Variants in DLC1 observed in about 807,000 individuals in gnomAD.
DLC1 encodes DLC1 Rho GTPase activating protein.
DLC1 carries 54 observed loss-of-function variants against 140.3 expected under a neutral mutation model. The ratio of observed to expected loss-of-function variants is 0.38; its 90% CI spans 0.31 to 0.48. DLC1 has a LOEUF of 0.48. DLC1 is among the 20% of genes least tolerant of loss of function. The pLI, the probability that DLC1 is intolerant of heterozygous loss-of-function variation, is 0.96. For synonymous variants in DLC1, 986 were observed against 728.1 expected (o/e 1.35, Z -5.70); for missense variants, 2,536 against 1,907.0 (o/e 1.33, Z -6.14).
chr8:13,162,159 A>G (rs532702858), intron 5 of DLC1, among the ~76,000 whole-genome samples: 2 of 152,360 alleles, frequency 1.3e-5, no homozygotes, highest in East Asian at 3.9e-4. Flanking sequence ...CTCTTGGAAC[A>G]GCTTGACTAC....
intron 5 of DLC1, among the ~76,000 whole-genome samples, chr8:13,161,755 T>A (rs1417777735): frequency 1.3e-5 from 2 of 152,200 alleles, no homozygotes; most frequent in East Asian, 3.9e-4. Flanking sequence ...GTGGATGTCT[T>A]TTCTGAGATG....
intron 5 of DLC1, among the ~76,000 whole-genome samples, chr8:13,162,646 T>C (rs6531027): frequency 0.63 from 95,191 of 151,972 alleles, 30,597 homozygotes; most frequent in East Asian, 0.86. Context: ...TTTAAACAAC[T>C]GGGTTTGGCT....
intron 4 of DLC1, among the ~76,000 whole-genome samples, chr8:13,359,449 G>A (rs1835117406): frequency 6.6e-6 from 1 of 152,172 alleles, no homozygotes; most frequent in South Asian, 2.1e-4. Context: ...GTCCAGTTCT[G>A]CTAATAATAT....
intron 1 of DLC1, among the ~76,000 whole-genome samples, chr8:13,553,267 T>C (rs1803929379): frequency 7.1e-6 from 1 of 139,890 alleles, no homozygotes; most frequent in Admixed American, 7.4e-5. Flanking sequence ...ACCTTTCTTC[T>C]TACTGTTTTA....
intron 1 of DLC1, among the ~76,000 whole-genome samples, chr8:13,602,147 T>C (rs1805909146): frequency 1.3e-5 from 2 of 151,754 alleles, no homozygotes; most frequent in Admixed American, 1.3e-4. Context: ...GAGGAACATG[T>C]TAAACAATAC....
chr8:13,298,407 G>T (rs558984018), intron 5 of DLC1, among the ~76,000 whole-genome samples: 5 of 152,250 alleles, frequency 3.3e-5, no homozygotes, highest in Non-Finnish European at 1.5e-5. Flanking sequence ...TAAATAAAAA[G>T]CTTTAGAATC....
chr8:13,331,962 T>C (rs1353128159), intron 4 of DLC1, among the ~76,000 whole-genome samples: 3 of 152,200 alleles, frequency 2.0e-5, no homozygotes, highest in Non-Finnish European at 4.4e-5. Flanking sequence ...GGACAATGTA[T>C]GTAACTTCTA....
At chr8:13,274,729 T>C (rs1285043160) in intron 5 of DLC1, among the ~76,000 whole-genome samples, 1 of 152,212 alleles carries the variant, frequency 6.6e-6, no homozygotes, top group Non-Finnish European at 1.5e-5. Flanking sequence ...CTCAGAAGCA[T>C]AAATGTTTGA....
intron 5 of DLC1, among the ~76,000 whole-genome samples, chr8:13,201,138 G>GA (rs5889426): frequency 7.1e-4 from 103 of 144,058 alleles, no homozygotes; most frequent in Non-Finnish European, 9.9e-4. Flanking sequence ...AGGAAACAAG[G>GA]AAAAAAAAAA....
intron 5 of DLC1, among the ~76,000 whole-genome samples, chr8:13,139,282 C>A (rs1449677259): frequency 6.6e-5 from 7 of 105,608 alleles, no homozygotes; most frequent in Non-Finnish European, 1.1e-4. Context: ...GAGTGAGACC[C>A]TGTCTCAAAA....
Position 13,321,435 on chromosome 8 carries a change from G to A in DLC1, c.1315-16133C>T, listed in dbSNP as rs981147569. ...TGCCTGTAGTCTCAGCTACTTGGGA[G>A]GCTGAGGCAGGAGAATCGCTTGAAC... is the stretch of plus-strand genomic sequence containing the variant. On this transcript the variant is annotated intron_variant, in intron 4 of 17. Transcript: ENST00000276297. Among the ~76,000 whole-genome samples, 17 of 148,538 alleles carry A rather than the reference G, an allele frequency of 1.1e-4. 1 individual carries two copies. Among genetic ancestry groups the A allele is most frequent in the African/African-American group, 4.2e-4 (17 of 40,534 alleles).
Position 13,085,718 on chromosome 8 carries a change from T to A in DLC1, c.*93A>T. 1.3e-6 allele frequency: 2 copies of A among 1,550,236 alleles called. No homozygotes were observed. The highest frequency in any genetic ancestry group is 2.4e-5 in the South Asian group (2 of 81,660). ...ACTCCAGCTTGTAGTTTTCTTTGTT[T>A]CAGGATTAGACACAGAACCCATTCT... On this transcript the variant is annotated 3_prime_UTR_variant, in exon 18 of 18. Transcript: ENST00000276297.
intron 2 of DLC1, among the ~76,000 whole-genome samples, chr8:13,440,456 G>A (rs915676098): frequency 6.6e-6 from 1 of 151,974 alleles, no homozygotes; most frequent in African/African-American, 2.4e-5. Context: ...TTAGCTACAT[G>A]TGTCAATGAA....
chr8:13,338,921 T>G (rs541726112), intron 4 of DLC1, among the ~76,000 whole-genome samples: 1 of 152,328 alleles, frequency 6.6e-6, no homozygotes, highest in East Asian at 1.9e-4. Flanking sequence ...ACCCTTTAAT[T>G]ATTTTGCACA....
chr8:13,390,633 T>C (rs531621604), intron 4 of DLC1, among the ~76,000 whole-genome samples: 213 of 152,214 alleles, frequency 1.4e-3, no homozygotes, highest in Non-Finnish European at 2.6e-3. Context: ...CAAACCACCA[T>C]GGCACACGTA....
chr8:13,360,233 A>C (rs188710284), intron 4 of DLC1, among the ~76,000 whole-genome samples: 1 of 144,590 alleles, frequency 6.9e-6, no homozygotes, highest in Admixed American at 6.9e-5. Flanking sequence ...TACATAAAAC[A>C]CTCAGTACAG....
intron 5 of DLC1, among the ~76,000 whole-genome samples, chr8:13,120,041 TA>T (rs1820908239): frequency 6.6e-6 from 1 of 151,652 alleles, no homozygotes; most frequent in Non-Finnish European, 1.5e-5. Context: ...TTCTTCCCTT[TA>T]AAAATACTGT....
intron 1 of DLC1, among the ~76,000 whole-genome samples, chr8:13,509,020 T>A (rs1413311791): frequency 6.6e-6 from 1 of 152,198 alleles, no homozygotes; most frequent in Admixed American, 6.5e-5. Context: ...AAAGTTGATA[T>A]TAAACGTGTG....
intron 1 of DLC1, among the ~76,000 whole-genome samples, chr8:13,594,119 T>C (rs1805609628): frequency 6.6e-6 from 1 of 151,854 alleles, no homozygotes; most frequent in Non-Finnish European, 1.5e-5. Context: ...CATGATCTTG[T>C]AACTGCACTC....
Sources: allele counts gnomAD v4.1 joint callset (sites outside exome capture counted in the v4.1 genomes callset), GRCh38; gene constraint gnomAD v4.1.1; transcripts MANE v1.5; gene names NCBI Gene and HGNC (gene_info 2026-07-23, HGNC 2026-07-21).